The following CACNA1C variants were observed in gnomAD, a reference collection of about 807,000 sequenced individuals.
The protein encoded by CACNA1C is voltage-dependent L-type calcium channel subunit alpha-1C.
In CACNA1C, 30 loss-of-function variants were observed where a neutral mutation model predicts 229.0. The observed-to-expected ratio is 0.13, with a 90% CI of 0.10 to 0.18. CACNA1C has a LOEUF of 0.18. Among genes scored for constraint, CACNA1C ranks in the 10% least tolerant of loss-of-function variants. CACNA1C has a pLI of 1.00. For synonymous variants in CACNA1C, 1,114 were observed against 1,132.5 expected, an observed-to-expected ratio of 0.98 and a Z score of 0.33; for missense variants, 1,658 against 2,845.0, an observed-to-expected ratio of 0.58 and a Z score of 9.49.
At chr12:2,318,312 A>G (rs1442511100) in intron 3 of CACNA1C, among the ~76,000 whole-genome samples, 1 of 152,234 alleles carries the variant, frequency 6.6e-6, no homozygotes, top group African/African-American at 2.4e-5. Context: ...GGCAAGTCAG[A>G]GGGAACATCT....
rs59086171 is a variant in CACNA1C, at chr12:2,620,084, A to G, written c.3828+8071A>G. ...ACATATATTGTCAATGAAGAACCAG[A>G]CATGAAGCTGGATATTTTACTTGCC... On this transcript the variant is annotated intron_variant, in intron 29 of 46. Coordinates refer to ENST00000399655, the MANE Select transcript of CACNA1C (RefSeq NM_000719.7). 8.2e-3 allele frequency among the ~76,000 whole-genome samples: 1,242 copies of G among 152,322 alleles called. 19 individuals are homozygous for G. The highest frequency in any genetic ancestry group is 0.029 in the African/African-American group (1,193 of 41,566).
chr12:2,602,037 G>A lies in CACNA1C; in HGVS notation c.2960+77G>A. 4 of 955,994 alleles carry A rather than the reference G, an allele frequency of 4.2e-6. No homozygotes were observed. Among genetic ancestry groups the A allele is most frequent in the Non-Finnish European group, 6.8e-6 (4 of 587,990 alleles). The allele number at this position is 955,994 out of a possible 1,614,324, so 59.2% of individuals were successfully genotyped here. A position where few individuals can be genotyped will look rare whatever the true frequency, so the allele number is the denominator to read the frequency against. ...CCAGAGAGGACAACCAGACCCTGGA[G>A]GGCCTGCCTGCAGGGCCACCGCAGT... On this transcript the variant is annotated intron_variant, in intron 22 of 46. Coordinates refer to ENST00000399655, the MANE Select transcript of CACNA1C (RefSeq NM_000719.7). This position sits in a 1 kb window ranked among gnomAD's most constrained non-coding sequence, Gnocchi z 4.4.
At chr12:2,019,629 AG>A (rs2046088200) in intron 1 of CACNA1C, among the ~76,000 whole-genome samples, 1 of 152,102 alleles carries the variant, frequency 6.6e-6, no homozygotes, top group Non-Finnish European at 1.5e-5. Flanking sequence ...AAAGAAAGAA[AG>A]AAAAAGAAAA....
chr12:2,210,237 A>G (rs1008174201), intron 3 of CACNA1C, among the ~76,000 whole-genome samples: 4 of 152,218 alleles, frequency 2.6e-5, no homozygotes, highest in African/African-American at 9.6e-5. Context: ...GAATTGGGGT[A>G]TGCCTATGTT....
rs144122965 is a variant in CACNA1C at position 2,067,481 on chromosome 12, T to TGC, written c.49+13876_49+13877dup. On this transcript the variant is annotated intron_variant, in intron 1 of 46. Coordinates refer to ENST00000399655, the MANE Select transcript of CACNA1C (RefSeq NM_000719.7). This position sits in a 1 kb window ranked among gnomAD's most constrained non-coding sequence, Gnocchi z 5.3. The stretch of plus-strand genomic sequence containing the variant: ...GTGTGTGTGTGTGTGTGTGTGTGTG[T>TGC]GCGCGCGTGTGCGTGCCTGTATGTA... 5.1e-3 allele frequency among the ~76,000 whole-genome samples: 718 copies of TGC among 140,836 alleles called. 9 individuals carry two copies. Among genetic ancestry groups the TGC allele is most frequent in the South Asian group, 0.018 (80 of 4,358 alleles). The allele number at this position is 140,836 out of a possible 152,430, so 92.4% of individuals were successfully genotyped here. A position where few individuals can be genotyped will look rare whatever the true frequency, so the allele number is the denominator to read the frequency against.
rs1555107490 is a variant in CACNA1C at position 2,067,449 on chromosome 12, C to CGTGTGTGTGTGT, written c.49+13860_49+13871dup. ...GCTTAGGACTGTGGACTAGGATGCA[C>CGTGTGTGTGTGT]GTGTGTGTGTGTGTGTGTGTGTGTG... On this transcript the variant is annotated intron_variant, in intron 1 of 46. Transcript: ENST00000399655. The surrounding 1 kb of genome is among the most constrained non-coding windows in gnomAD (Gnocchi z 5.3). 5.6e-3 allele frequency among the ~76,000 whole-genome samples: 789 copies of CGTGTGTGTGTGT among 141,466 alleles called. 13 individuals are homozygous for CGTGTGTGTGTGT. Among genetic ancestry groups the CGTGTGTGTGTGT allele is most frequent in the African/African-American group, 0.016 (623 of 37,762 alleles). 92.8% of individuals were successfully genotyped at this position (141,466 alleles called of 152,430 possible).
intron 5 of CACNA1C, among the ~76,000 whole-genome samples, chr12:2,477,547 G>A (rs577097467): frequency 4.6e-5 from 7 of 152,278 alleles, no homozygotes; most frequent in South Asian, 2.1e-4. Context: ...CTGGGGAGTC[G>A]ACCAGATGGC....
chr12:2,420,873 G>T (rs2098971492), intron 3 of CACNA1C, among the ~76,000 whole-genome samples: 1 of 152,224 alleles, frequency 6.6e-6, no homozygotes, highest in South Asian at 2.1e-4. Context: ...TGTATTTGAA[G>T]CTCTGTGTGC....
In CACNA1C at chr12:2,025,548, C is replaced by A. The variant is rs141407530; in HGVS notation, c.139+54347C>A. ...TGGGCCCATTTTACTTTTAGCCTCC[C>A]AACACAGTTTGGGCCGTCCTGTTTT... On this transcript the variant is annotated intron_variant, in intron 1 of 46. Transcript: ENST00000682462. Among the ~76,000 whole-genome samples the A allele has an allele frequency of 5.9e-3, 893 of 152,222 alleles. 14 individuals carry two copies. The highest frequency in any genetic ancestry group is 0.02 in the African/African-American group (850 of 41,536).
intron 1 of CACNA1C, among the ~76,000 whole-genome samples, chr12:1,978,070 T>C (rs886083523): frequency 1.4e-4 from 21 of 152,346 alleles, no homozygotes; most frequent in African/African-American, 5.1e-4. Flanking sequence ...GGAAGGTTAA[T>C]TCCTTCCACT....
chr12:2,023,345 C>T (rs533926705), intron 1 of CACNA1C, among the ~76,000 whole-genome samples: 3 of 152,052 alleles, frequency 2.0e-5, no homozygotes, highest in South Asian at 4.2e-4. Context: ...TAATGCCATG[C>T]GTGGAGAAGG....
At chr12:2,163,548 C>T (rs2154251505) in intron 3 of CACNA1C, among the ~76,000 whole-genome samples, 1 of 152,208 alleles carries the variant, frequency 6.6e-6, no homozygotes, top group South Asian at 2.1e-4. Context: ...CCTGGGTACA[C>T]TTTTCTGTTT....
intron 34 of CACNA1C, among the ~76,000 whole-genome samples, chr12:2,663,690 C>CA (rs905906520): frequency 1.3e-5 from 2 of 149,584 alleles, no homozygotes; most frequent in Admixed American, 6.6e-5. Flanking sequence ...CACCTGTTCC[C>CA]AAAAAACTAT....
intron 1 of CACNA1C, chr12:1,992,113 G>T (rs2039568769): frequency 3.2e-6 from 1 of 310,472 alleles, no homozygotes; most frequent in South Asian, 3.5e-5. Context: ...AACTACAATT[G>T]ATAAAGTGTA....
At chr12:2,450,552 T>TAAA (rs2099358420) in intron 4 of CACNA1C, among the ~76,000 whole-genome samples, 1 of 9,260 alleles carries the variant, frequency 1.1e-4, no homozygotes, top group African/African-American at 1.3e-3. Flanking sequence ...AGACTCCATC[T>TAAA]CAAAAAAAAA....
intron 3 of CACNA1C, among the ~76,000 whole-genome samples, chr12:2,204,536 A>G (rs1464197900): frequency 1.3e-5 from 2 of 151,200 alleles, no homozygotes; most frequent in African/African-American, 4.9e-5. Context: ...AAGACTTGGA[A>G]CCAACCCAAA....
intron 3 of CACNA1C, among the ~76,000 whole-genome samples, chr12:2,337,208 C>T (rs1324067822): frequency 6.6e-6 from 1 of 152,354 alleles, no homozygotes; most frequent in East Asian, 1.9e-4. Context: ...CTGAGGTGTT[C>T]TGCATGGTCA....
At chr12:1,981,531 C>T (rs2036130767) in intron 1 of CACNA1C, among the ~76,000 whole-genome samples, 1 of 152,114 alleles carries the variant, frequency 6.6e-6, no homozygotes, top group South Asian at 2.1e-4. Flanking sequence ...TAGTAATTGC[C>T]TTTATTTCTA....
upstream of CACNA1C, among the ~76,000 whole-genome samples, chr12:2,052,575 C>A (rs1178528581): frequency 1.4e-5 from 2 of 145,296 alleles, no homozygotes; most frequent in African/African-American, 5.0e-5. Flanking sequence ...GCGGGGGGCG[C>A]GACGCCGCCG....
Sources: gnomAD v4.1 joint callset for allele counts (sites outside exome capture counted in the v4.1 genomes callset) on GRCh38, gnomAD v4.1.1 for gene constraint, Gnocchi (gnomAD v3.1) non-coding constraint, MANE v1.5 for transcripts, NCBI Gene and HGNC (gene_info 2026-07-23, HGNC 2026-07-21) for gene names.